The following ZMIZ1 variants were observed in gnomAD, a reference collection of about 807,000 sequenced individuals.
ZMIZ1 encodes zinc finger MIZ-type containing 1.
ZMIZ1 carries 17 observed loss-of-function variants against 113.9 expected under a neutral mutation model. That is an observed-to-expected ratio of 0.15 (90% CI 0.10 to 0.22). ZMIZ1 has a LOEUF of 0.22. Ranked by LOEUF, ZMIZ1 falls within the 10% of genes least tolerant of loss-of-function variation. The pLI is 1.00. For missense variants in ZMIZ1, 1,059 were observed against 1,477.8 expected, an observed-to-expected ratio of 0.72 and a Z score of 4.65; for synonymous variants, 607 against 603.1, an observed-to-expected ratio of 1.01 and a Z score of -0.09.
chr10:79,098,049 G>A (rs942953148), intron 1 of ZMIZ1, among the ~76,000 whole-genome samples: 4 of 152,220 alleles, frequency 2.6e-5, no homozygotes, highest in South Asian at 4.1e-4. Context: ...GCCTTTGGAG[G>A]CTCTGGAGGA....
intron 12 of ZMIZ1, chr10:79,294,950 G>GA (rs1554830319): frequency 5.6e-5 from 8 of 143,530 alleles, no homozygotes; most frequent in East Asian, 2.3e-4. Flanking sequence ...AGAGGGGGGG[G>GA]GGTCAGGGGC....
At chr10:79,248,091 G>T (rs1003501589) in intron 7 of ZMIZ1, among the ~76,000 whole-genome samples, 1 of 152,196 alleles carries the variant, frequency 6.6e-6, no homozygotes, top group Non-Finnish European at 1.5e-5. Context: ...GCCACCACCC[G>T]CATCTGGGTG....
intron 17 of ZMIZ1, among the ~76,000 whole-genome samples, 182 bp downstream of exon 17, chr10:79,301,124 C>A (rs896939010): frequency 2.0e-5 from 3 of 152,184 alleles, no homozygotes; most frequent in African/African-American, 7.2e-5. Flanking sequence ...CAATAACCTT[C>A]AAACCGTTGG....
At chr10:79,174,573 TCC>T (rs1053695666) in intron 4 of ZMIZ1, among the ~76,000 whole-genome samples, 1 of 152,170 alleles carries the variant, frequency 6.6e-6, no homozygotes, top group Admixed American at 6.5e-5. Flanking sequence ...GTGGCTCTGC[TCC>T]CCTGGGTGCT....
In ZMIZ1 at chr10:79,314,490, C is replaced by G. The variant is rs1383604970; in HGVS notation, c.*1741C>G. The G allele has an allele frequency of 5.9e-6, 2 of 336,704 alleles. No homozygotes were observed. Among genetic ancestry groups the G allele is most frequent in the Non-Finnish European group, 1.2e-5 (2 of 170,756 alleles). 20.9% of individuals were successfully genotyped at this position (336,704 alleles called of 1,614,324 possible). ...CCCCGGCCCCTTTTCTTCCTTTGTC[C>G]CGTTGTCGAGGTTTTTTCAAATAGC... On this transcript the variant is annotated 3_prime_UTR_variant, in exon 25 of 25. Coordinates refer to ENST00000334512, the MANE Select transcript of ZMIZ1 (RefSeq NM_020338.4).
intron 7 of ZMIZ1, among the ~76,000 whole-genome samples, chr10:79,239,991 C>T (rs769184453): frequency 1.8e-4 from 27 of 151,986 alleles, no homozygotes; most frequent in African/African-American, 5.3e-4. Context: ...CTTGCTCTCC[C>T]GAGCAAGCCA....
chr10:79,085,991 G>A (rs1009358427), intron 1 of ZMIZ1, among the ~76,000 whole-genome samples: 6 of 152,150 alleles, frequency 3.9e-5, no homozygotes, highest in African/African-American at 1.4e-4. Flanking sequence ...ACCCTGACGA[G>A]TCCTTGTCTC....
At chr10:79,136,430 T>G (rs1845009694) in intron 2 of ZMIZ1, among the ~76,000 whole-genome samples, 1 of 152,162 alleles carries the variant, frequency 6.6e-6, no homozygotes, top group Non-Finnish European at 1.5e-5. Flanking sequence ...GCCGAGATCT[T>G]GGGGTGTGCT....
chr10:79,314,288 T>C lies in ZMIZ1; in HGVS notation c.*1539T>C, dbSNP rs936394411. 34 of 456,108 alleles carry C rather than the reference T, an allele frequency of 7.5e-5. No homozygotes were observed. The highest frequency in any genetic ancestry group is 4.7e-5 in the Admixed American group (2 of 42,548). The allele number at this position is 456,108 out of a possible 1,614,324, so 28.3% of individuals were successfully genotyped here. A position where few individuals can be genotyped will look rare whatever the true frequency, so the allele number is the denominator to read the frequency against. On this transcript the variant is annotated 3_prime_UTR_variant, in exon 25 of 25. Coordinates refer to ENST00000334512, the MANE Select transcript of ZMIZ1 (RefSeq NM_020338.4). Reference sequence around the variant, plus strand: ...AGGTTGTCCCGTCACTGGGGTCCCATCTGTAAATTCTTTGCGCCCTTCCCG... The same window carrying C: ...AGGTTGTCCCGTCACTGGGGTCCCACCTGTAAATTCTTTGCGCCCTTCCCG...
At chr10:79,158,451 T>A (rs1845986500) in intron 3 of ZMIZ1, among the ~76,000 whole-genome samples, 1 of 152,184 alleles carries the variant, frequency 6.6e-6, no homozygotes, top group Non-Finnish European at 1.5e-5. Flanking sequence ...ACCCAGCAAG[T>A]GTTCAAACCC....
At chr10:79,078,349 G>A (rs1002786981) in intron 1 of ZMIZ1, among the ~76,000 whole-genome samples, 37 of 151,952 alleles carry the variant, frequency 2.4e-4, no homozygotes, top group Non-Finnish European at 5.9e-5. Context: ...TCACCCCTCC[G>A]AGCCTCAGTT....
In ZMIZ1 at chr10:79,302,088, GTCTCC is replaced by G. The variant is rs764973700; in HGVS notation, c.2020-14_2020-10del. ...TGGGGACAGTGCACAGGAACTGAGT[GTCTCC>G]TCTCTCCCCGCAGTCCCACCTCTTC... is the stretch of plus-strand genomic sequence containing the variant. On this transcript the variant is annotated splice_polypyrimidine_tract_variant and intron_variant, in intron 17 of 24. Transcript: ENST00000334512. 2 of 1,612,222 alleles carry G rather than the reference GTCTCC, an allele frequency of 1.2e-6. No homozygotes were observed. The highest frequency in any genetic ancestry group is 1.1e-5 in the South Asian group (1 of 91,034).
chr10:79,275,154 G>C (rs1314470257), intron 7 of ZMIZ1, among the ~76,000 whole-genome samples: 1 of 152,112 alleles, frequency 6.6e-6, no homozygotes, highest in Admixed American at 6.5e-5. Flanking sequence ...GCTCGTTTTT[G>C]TGTGTCCTGG....
intron 3 of ZMIZ1, among the ~76,000 whole-genome samples, chr10:79,150,580 C>T (rs955908713): frequency 1.3e-5 from 2 of 152,218 alleles, no homozygotes. Context: ...GCTGGTGCAC[C>T]TGGGCAAGTC....
chr10:79,179,909 G>A lies in ZMIZ1; in HGVS notation c.-50+17776G>A, dbSNP rs1038699190. Among the ~76,000 whole-genome samples the A allele has an allele frequency of 2.6e-5, 4 of 152,138 alleles. No individual in the cohort carries two copies. In the East Asian group the frequency reaches 5.8e-4, roughly 22 times the overall value. On this transcript the variant is annotated intron_variant, in intron 4 of 24. Transcript: ENST00000334512. ...GGCAGGCCACAGGGACAACCGCCAC[G>A]CATGCCACCACCCTCTCTCAGAGGC...
At chr10:79,299,696 A>G (rs1854159620) in intron 16 of ZMIZ1, among the ~76,000 whole-genome samples, 1 of 152,250 alleles carries the variant, frequency 6.6e-6, no homozygotes, top group Non-Finnish European at 1.5e-5. Flanking sequence ...CTGCTGAGCC[A>G]GGCCCATGCT....
chr10:79,308,444 C>T (rs1854884747), intron 23 of ZMIZ1, among the ~76,000 whole-genome samples: 1 of 152,180 alleles, frequency 6.6e-6, no homozygotes, highest in South Asian at 2.1e-4. Flanking sequence ...GGGGCCATCA[C>T]TGAGCACGTG....
chr10:79,190,274 G>C (rs953076065), intron 4 of ZMIZ1, among the ~76,000 whole-genome samples: 3 of 152,240 alleles, frequency 2.0e-5, no homozygotes, highest in Non-Finnish European at 2.9e-5. Context: ...GGCCTGGGCA[G>C]GCATCAGCAG....
At chr10:79,096,238 C>T (rs1037686700) in intron 1 of ZMIZ1, among the ~76,000 whole-genome samples, 4 of 152,142 alleles carry the variant, frequency 2.6e-5, no homozygotes, top group South Asian at 4.1e-4. Flanking sequence ...AGGCTGGGCA[C>T]GGTGGCTCAC....
Sources: allele counts gnomAD v4.1 joint callset (sites outside exome capture counted in the v4.1 genomes callset), GRCh38; gene constraint gnomAD v4.1.1; transcripts MANE v1.5; gene names NCBI Gene and HGNC (gene_info 2026-07-23, HGNC 2026-07-21).